The following ZFYVE28 variants were observed in gnomAD, a reference collection of about 807,000 sequenced individuals.
The protein encoded by ZFYVE28 is zinc finger FYVE-type containing 28, also known as lateral signaling target protein 2 homolog.
A neutral mutation model predicts 82.1 loss-of-function variants in ZFYVE28; 40 were observed. The ratio of observed to expected loss-of-function variants is 0.49; its 90% CI spans 0.38 to 0.63. The LOEUF is 0.63. Ranked by LOEUF, ZFYVE28 falls within the 30% of genes least tolerant of loss-of-function variation. ZFYVE28 has a pLI of 0.00. For synonymous variants in ZFYVE28, 612 were observed against 546.1 expected (o/e 1.12, Z -1.68); for missense variants, 1,321 against 1,242.1 (o/e 1.06, Z -0.96).
At position 2,305,629 on chromosome 4, in the gene ZFYVE28, C is replaced by G. The variant is rs977721017; in HGVS notation, c.804-93G>C. The G allele has an allele frequency of 3.4e-5, 50 of 1,459,784 alleles. No homozygotes were observed. In the Admixed American group the frequency reaches 4.8e-4, roughly 14 times the overall value. The allele number at this position is 1,459,784 out of a possible 1,614,324, so 90.4% of individuals were successfully genotyped here. A position where few individuals can be genotyped will look rare whatever the true frequency, so the allele number is the denominator to read the frequency against. On this transcript the variant is annotated intron_variant, in intron 7 of 12. Transcript: ENST00000290974. Reference sequence around the variant, plus strand: ...GGACGCAGCACCCTGGAGTCTGCACCAGCAGAACAACAGCCAGGCACTGAA... The same window carrying G: ...GGACGCAGCACCCTGGAGTCTGCACGAGCAGAACAACAGCCAGGCACTGAA...
At chr4:2,334,812 T>TTCCCCCTCCCCCCTTCCCCCTCCCCC (rs1721371285) in intron 6 of ZFYVE28, among the ~76,000 whole-genome samples, 6 of 7,090 alleles carry the variant, frequency 8.5e-4, no homozygotes, top group Admixed American at 2.7e-3. Context: ...CCCCCTCCCC[T>TTCCCCCTCCCCCCTTCCCCCTCCCCC]CTTCCCCCTC....
chr4:2,410,390 C>T (rs1339853872), intron 1 of ZFYVE28, among the ~76,000 whole-genome samples: 1 of 149,082 alleles, frequency 6.7e-6, no homozygotes, highest in Non-Finnish European at 1.5e-5. Context: ...TGACTGGCTT[C>T]TTTTGATTAT....
At chr4:2,386,522 C>G (rs1729275754) in intron 1 of ZFYVE28, among the ~76,000 whole-genome samples, 1 of 152,188 alleles carries the variant, frequency 6.6e-6, no homozygotes, top group African/African-American at 2.4e-5. Context: ...AGGTGACTGA[C>G]TGTCCTCATA....
intron 1 of ZFYVE28, among the ~76,000 whole-genome samples, chr4:2,404,423 A>G (rs1731596119): frequency 8.9e-5 from 1 of 11,210 alleles, no homozygotes; most frequent in Non-Finnish European, 1.8e-4. Flanking sequence ...TGCCAGTGTC[A>G]TTCATGACAG....
intron 1 of ZFYVE28, among the ~76,000 whole-genome samples, chr4:2,365,456 C>T (rs921289952): frequency 6.6e-6 from 1 of 152,090 alleles, no homozygotes; most frequent in East Asian, 1.9e-4. Flanking sequence ...CCAGGGTCTG[C>T]GCCAGTCACC....
intron 8 of ZFYVE28, among the ~76,000 whole-genome samples, chr4:2,301,392 G>A (rs1238921216): frequency 6.6e-6 from 1 of 152,118 alleles, no homozygotes; most frequent in African/African-American, 2.4e-5. Flanking sequence ...AAATTGAACC[G>A]AACATGTACT....
In ZFYVE28 at chr4:2,335,645, C is replaced by T. The variant is rs1721565525; in HGVS notation, c.701+60G>A. 3 of 1,494,722 alleles carry T rather than the reference C, an allele frequency of 2.0e-6. No individual in the cohort carries two copies. Among genetic ancestry groups the T allele is most frequent in the Non-Finnish European group, 2.7e-6 (3 of 1,097,688 alleles). 92.6% of individuals were successfully genotyped at this position (1,494,722 alleles called of 1,614,324 possible). The stretch of plus-strand genomic sequence containing the variant: ...ACCGGCACCCGCACGGGACCTGGCA[C>T]CATCAGCCCTGCCCGTCCCGCAGGT... On this transcript the variant is annotated intron_variant, in intron 6 of 12. Coordinates refer to ENST00000290974, the MANE Select transcript of ZFYVE28 (RefSeq NM_020972.3). The surrounding 1 kb of genome is among the most constrained non-coding windows in gnomAD (Gnocchi z 5.8).
intron 1 of ZFYVE28, among the ~76,000 whole-genome samples, chr4:2,368,414 T>C (rs1727149380): frequency 1.2e-5 from 1 of 81,546 alleles, no homozygotes; most frequent in Non-Finnish European, 2.9e-5. Flanking sequence ...CAGTATGCGA[T>C]TCAGCAGTTT....
At chr4:2,364,793 C>T in intron 1 of ZFYVE28, 1 of 985,550 alleles carries the variant, frequency 1.0e-6, no homozygotes, top group Non-Finnish European at 1.2e-6. Flanking sequence ...CCACGGCCTC[C>T]GAGCGGGTGA....
intron 8 of ZFYVE28, among the ~76,000 whole-genome samples, chr4:2,280,729 G>A (rs1711846945): frequency 6.6e-6 from 1 of 152,202 alleles, no homozygotes; most frequent in Admixed American, 6.5e-5. Flanking sequence ...GTGCCTGCTG[G>A]CAGCAGATGG....
chr4:2,287,465 G>A (rs1223919646), intron 8 of ZFYVE28: 1 of 152,268 alleles, frequency 6.6e-6, no homozygotes, highest in East Asian at 1.9e-4. Flanking sequence ...AACGAATCCT[G>A]GCTTAAGCCC....
Position 2,399,120 on chromosome 4 carries a change from GGGCACAAGCT to G in ZFYVE28, c.39+19155_39+19164del, listed in dbSNP as rs1730880455. 7.0e-5 allele frequency among the ~76,000 whole-genome samples: 6 copies of G among 85,574 alleles called. 1 individual carries two copies. The highest frequency in any genetic ancestry group is 4.1e-4 in the East Asian group (1 of 2,426). 56.1% of individuals were successfully genotyped at this position (85,574 alleles called of 152,430 possible). Reference sequence around the variant, plus strand: ...AGGGCACAAGCTGGGGCAAGATGGAGGGCACAAGCTGGGTGGTGAGATCCAGGGCACAAGG... The same window carrying G: ...AGGGCACAAGCTGGGGCAAGATGGAGGGGTGGTGAGATCCAGGGCACAAGG... On this transcript the variant is annotated intron_variant, in intron 1 of 12. Transcript: ENST00000290974.
intron 1 of ZFYVE28, among the ~76,000 whole-genome samples, chr4:2,383,070 G>A (rs1422759645): frequency 6.6e-6 from 1 of 152,110 alleles, no homozygotes; most frequent in Non-Finnish European, 1.5e-5. Flanking sequence ...TTCAAGTTGC[G>A]ACTTTGGCGG....
At chr4:2,312,321 C>T (rs558310123) in intron 7 of ZFYVE28, among the ~76,000 whole-genome samples, 31 of 152,124 alleles carry the variant, frequency 2.0e-4, no homozygotes, top group African/African-American at 7.2e-4. Context: ...GCAGATGGCT[C>T]GAGCACAGGA....
intron 8 of ZFYVE28, among the ~76,000 whole-genome samples, chr4:2,297,142 C>T (rs576495819): frequency 3.3e-4 from 51 of 152,386 alleles, no homozygotes; most frequent in East Asian, 1.2e-3. Context: ...TGACTCCCCA[C>T]GCAGCGGCGC....
At chr4:2,386,416 C>T (rs1056311821) in intron 1 of ZFYVE28, among the ~76,000 whole-genome samples, 8 of 152,086 alleles carry the variant, frequency 5.3e-5, no homozygotes, top group Non-Finnish European at 1.2e-4. Context: ...ACAAAGGAGG[C>T]GGAGGTTGCG....
intron 8 of ZFYVE28, among the ~76,000 whole-genome samples, chr4:2,284,643 G>A (rs1408266681): frequency 1.3e-5 from 2 of 152,216 alleles, no homozygotes; most frequent in African/African-American, 4.8e-5. Context: ...AGGAGTTGGA[G>A]CCTGCTGGGA....
intron 8 of ZFYVE28, among the ~76,000 whole-genome samples, chr4:2,299,374 G>A (rs1158130599): frequency 6.6e-6 from 1 of 151,854 alleles, no homozygotes. Context: ...GCTCTTTCTG[G>A]AAAGCAGTTT....
chr4:2,367,564 T>C (rs17132477), intron 1 of ZFYVE28, among the ~76,000 whole-genome samples: 50,919 of 152,208 alleles, frequency 0.33, 9,125 homozygotes, highest in East Asian at 0.47. Flanking sequence ...TTTGAGGTGA[T>C]TTGCTAAGAG....
Sources: allele counts gnomAD v4.1 joint callset (sites outside exome capture counted in the v4.1 genomes callset), GRCh38; gene constraint gnomAD v4.1.1; non-coding constraint Gnocchi (gnomAD v3.1); transcripts MANE v1.5; gene names NCBI Gene and HGNC (gene_info 2026-07-23, HGNC 2026-07-21).